Variants in PDILT observed in about 807,000 individuals in gnomAD.
The protein encoded by PDILT is protein disulfide-isomerase-like protein of the testis.
PDILT carries 43 observed loss-of-function variants against 53.7 expected under a neutral mutation model. The ratio of observed to expected loss-of-function variants is 0.80; its 90% CI spans 0.63 to 1.03. PDILT has a LOEUF of 1.03. Ranked by LOEUF, PDILT falls within the 50% of genes least tolerant of loss-of-function variation. The probability of loss-of-function intolerance (pLI) is 0.00; values close to 1 mark genes in which losing one functional copy is unlikely to be tolerated. For synonymous variants in PDILT, 282 were observed against 274.2 expected (o/e 1.03, Z -0.28); for missense variants, 727 against 712.3 (o/e 1.02, Z -0.24).
intron 7 of PDILT, among the ~76,000 whole-genome samples, chr16:20,370,810 G>A (rs1966295843): frequency 6.6e-6 from 1 of 152,172 alleles, no homozygotes; most frequent in South Asian, 2.1e-4. Context: ...AGATGGTGAC[G>A]AGAGTGACCT....
intron 9 of PDILT, among the ~76,000 whole-genome samples, chr16:20,363,932 G>A (rs1422357493): frequency 2.6e-5 from 4 of 152,040 alleles, no homozygotes; most frequent in Non-Finnish European, 5.9e-5. Flanking sequence ...CCTTCTACTA[G>A]AGCTCAAAGC....
chr16:20,360,753 C>A, intron 10 of PDILT, 96 bp from the exon 11 acceptor site: 2 of 859,764 alleles, frequency 2.3e-6, no homozygotes, highest in South Asian at 2.8e-5. Context: ...AAATTCCTAA[C>A]AACCCCGGGT....
In PDILT at chr16:20,373,272, T is replaced by C. The variant is rs557079229; in HGVS notation, c.682-150A>G. 6 of 671,998 alleles carry C rather than the reference T, an allele frequency of 8.9e-6. No homozygotes were observed. In the South Asian group the frequency reaches 1.2e-4, roughly 13 times the overall value. 41.6% of individuals were successfully genotyped at this position (671,998 alleles called of 1,614,324 possible). A position where few individuals can be genotyped will look rare whatever the true frequency, so the allele number is the denominator to read the frequency against. Reference sequence around the variant, plus strand: ...GTCTGTAATCTAGGTAGTTAATAACTAGGAGGGGCTGGCCAGATTAGTCAG... The same window carrying C: ...GTCTGTAATCTAGGTAGTTAATAACCAGGAGGGGCTGGCCAGATTAGTCAG... On this transcript the variant is annotated intron_variant, in intron 5 of 11. Coordinates refer to ENST00000302451, the MANE Select transcript of PDILT (RefSeq NM_174924.2).
At chr16:20,397,640 T>C (rs1428916165) in intron 2 of PDILT, among the ~76,000 whole-genome samples, 1 of 152,134 alleles carries the variant, frequency 6.6e-6, no homozygotes, top group African/African-American at 2.4e-5. Flanking sequence ...CTGTAAATGG[T>C]TCTGGTCAGA....
At chr16:20,380,917 G>A (rs1258794592) in intron 3 of PDILT, among the ~76,000 whole-genome samples, 1 of 152,196 alleles carries the variant, frequency 6.6e-6, no homozygotes, top group Non-Finnish European at 1.5e-5. Context: ...GCAAATTGTT[G>A]ATTCCTTTGT....
At chr16:20,369,750 G>A in intron 7 of PDILT, 61 bp from the exon 8 acceptor site, 1 of 1,549,288 alleles carries the variant, frequency 6.5e-7, no homozygotes, top group Non-Finnish European at 8.9e-7. Context: ...AAAAACTGCT[G>A]AAAGGCTGTG....
intron 2 of PDILT, among the ~76,000 whole-genome samples, chr16:20,394,831 G>A (rs1445947723): frequency 6.6e-6 from 1 of 152,172 alleles, no homozygotes; most frequent in African/African-American, 2.4e-5. Context: ...GGGTGGCTGA[G>A]GTCCTAGGTA....
chr16:20,401,772 G>A (rs1231916332), intron 1 of PDILT, among the ~76,000 whole-genome samples: 2 of 152,234 alleles, frequency 1.3e-5, no homozygotes, highest in East Asian at 3.8e-4. Context: ...GAGCCTCTGA[G>A]CAAAAGCCAG....
chr16:20,370,200 GC>G (rs1966284053), intron 7 of PDILT, among the ~76,000 whole-genome samples: 1 of 152,172 alleles, frequency 6.6e-6, no homozygotes, highest in African/African-American at 2.4e-5. Flanking sequence ...CTATGTGTGA[GC>G]CATTTTACTC....
chr16:20,398,490 G>A (rs1966689632), intron 2 of PDILT, among the ~76,000 whole-genome samples: 1 of 152,172 alleles, frequency 6.6e-6, no homozygotes, highest in Admixed American at 6.5e-5. Flanking sequence ...AGTTAGCTGG[G>A]TGTGGTGGCG....
At position 20,399,200 on chromosome 16, in the gene PDILT, G is replaced by A. The variant is rs748752461; in HGVS notation, c.101C>T (p.Thr34Ile). The A allele has an allele frequency of 4.3e-6, 7 of 1,614,202 alleles. No individual in the cohort carries two copies. The highest frequency in any genetic ancestry group is 5.9e-6 in the Non-Finnish European group (7 of 1,180,038). Residue 34 changes from threonine to isoleucine, a missense_variant, in exon 2 of 12, where the codon ACC becomes ATC. Transcript: ENST00000302451. ...VNAGVSSIHI[T>I]KPVHILEERS... ...TTCCTCCAGGATGTGCACAGGCTTG[G>A]TTATGTGGATGCTGGAAACACCGGC...
At chr16:20,376,980 C>T (rs1014530405) in intron 3 of PDILT, among the ~76,000 whole-genome samples, 1 of 152,184 alleles carries the variant, frequency 6.6e-6, no homozygotes, top group Non-Finnish European at 1.5e-5. Context: ...AACATTAAAA[C>T]TGAACATTTT....
At chr16:20,397,556 C>T (rs146650309) in intron 2 of PDILT, among the ~76,000 whole-genome samples, 12 of 152,332 alleles carry the variant, frequency 7.9e-5, no homozygotes, top group East Asian at 1.9e-4. Context: ...AGCCTTTGAA[C>T]GTAGGACTGT....
At position 20,373,137 on chromosome 16, in the gene PDILT, G is replaced by T; in HGVS notation, c.682-15C>A. On this transcript the variant is annotated splice_polypyrimidine_tract_variant and intron_variant, in intron 5 of 11. Coordinates refer to ENST00000302451, the MANE Select transcript of PDILT (RefSeq NM_174924.2). ...ACAATTTTTCCCTTGTACAAAAGGA[G>T]AAACATATTGGAGGACAGTAGCTTT... The T allele has an allele frequency of 6.3e-7, 1 of 1,597,066 alleles. No individual in the cohort carries two copies. The highest frequency in any genetic ancestry group is 1.7e-5 in the Admixed American group (1 of 59,958).
At chr16:20,387,699 C>CA (rs1596593991) in intron 2 of PDILT, among the ~76,000 whole-genome samples, 1 of 151,840 alleles carries the variant, frequency 6.6e-6, no homozygotes, top group East Asian at 1.9e-4. Context: ...TGGCTTACTG[C>CA]AACCTCCACC....
intron 3 of PDILT, among the ~76,000 whole-genome samples, chr16:20,378,572 C>T (rs972880996): frequency 5.3e-5 from 8 of 152,164 alleles, no homozygotes; most frequent in Admixed American, 2.6e-4. Context: ...TTAAGCCCCG[C>T]GTGCATTAGG....
Position 20,359,282 on chromosome 16 carries a change from T to C in PDILT, c.*37A>G. ...CCATTCAGAAAATGATGCCAGGATC[T>C]GGAAAATAAGCATCTTTTTTCCTGG... On this transcript the variant is annotated 3_prime_UTR_variant, in exon 12 of 12. Transcript: ENST00000302451. 1 of 1,605,066 alleles carries C rather than the reference T, an allele frequency of 6.2e-7. No individual in the cohort carries two copies. Among genetic ancestry groups the C allele is most frequent in the Non-Finnish European group, 8.5e-7 (1 of 1,176,186 alleles).
At chr16:20,403,582 G>A (rs1446467416) in intron 1 of PDILT, among the ~76,000 whole-genome samples, 2 of 152,128 alleles carry the variant, frequency 1.3e-5, no homozygotes, top group African/African-American at 2.4e-5. Flanking sequence ...GAGCCACCGT[G>A]CCCAGCAGAG....
intron 7 of PDILT, among the ~76,000 whole-genome samples, 157 bp from the exon 8 acceptor site, chr16:20,369,846 G>A (rs1346471730): frequency 6.6e-6 from 1 of 152,208 alleles, no homozygotes; most frequent in Non-Finnish European, 1.5e-5. Context: ...CGAAATGCAT[G>A]GCAGGCAGTA....
Sources: allele counts gnomAD v4.1 joint callset (sites outside exome capture counted in the v4.1 genomes callset), GRCh38; gene constraint gnomAD v4.1.1; transcripts MANE v1.5; gene names NCBI Gene and HGNC (gene_info 2026-07-23, HGNC 2026-07-21).